OPCML: variants seen among roughly 807,000 people sequenced by gnomAD.
OPCML encodes the protein opioid binding protein/cell adhesion molecule like.
In OPCML, 13 loss-of-function variants were observed where a neutral mutation model predicts 37.8. The observed-to-expected ratio is 0.34, with a 90% CI of 0.22 to 0.55. OPCML has a LOEUF of 0.55. Among genes scored for constraint, OPCML ranks in the 20% least tolerant of loss-of-function variants. The probability of loss-of-function intolerance (pLI) is 0.91; values close to 1 mark genes in which losing one functional copy is unlikely to be tolerated. For missense variants in OPCML, 341 were observed against 435.6 expected (o/e 0.78, Z 1.93); for synonymous variants, 176 against 168.8 (o/e 1.04, Z -0.33).
intron 1 of OPCML, chr11:133,420,539 C>T (rs1945865838): frequency 1.0e-6 from 1 of 981,410 alleles, no homozygotes; most frequent in South Asian, 4.7e-5. Flanking sequence ...AATTTAGATC[C>T]ATCTGCAAAC....
chr11:132,495,527 G>A (rs192173215), intron 4 of OPCML, among the ~76,000 whole-genome samples: 6 of 152,142 alleles, frequency 3.9e-5, no homozygotes, highest in Non-Finnish European at 8.8e-5. Context: ...ATTTTGCAAG[G>A]ATACCCTCAC....
chr11:133,511,723 A>G (rs1948164962), intron 1 of OPCML, among the ~76,000 whole-genome samples: 1 of 149,990 alleles, frequency 6.7e-6, no homozygotes, highest in Non-Finnish European at 1.5e-5. Flanking sequence ...GCTTTTTTCC[A>G]TATTTCTTCA....
intron 1 of OPCML, among the ~76,000 whole-genome samples, chr11:133,331,342 A>G (rs921168914): frequency 2.0e-5 from 3 of 152,168 alleles, no homozygotes; most frequent in African/African-American, 4.8e-5. Context: ...GCTGACATCA[A>G]TCATGCAATG....
At chr11:133,508,310 T>C (rs746642708) in intron 1 of OPCML, among the ~76,000 whole-genome samples, 63 of 152,336 alleles carry the variant, frequency 4.1e-4, no homozygotes, top group Non-Finnish European at 8.4e-4. Context: ...CAGCCCAGGA[T>C]TCTTCATTTC....
chr11:132,656,856 A>G (rs886383844), intron 3 of OPCML, among the ~76,000 whole-genome samples: 2 of 152,244 alleles, frequency 1.3e-5, no homozygotes, highest in Admixed American at 1.3e-4. Flanking sequence ...TACACAACGT[A>G]TTGATGAGAA....
chr11:132,522,711 C>T (rs536362735), intron 4 of OPCML, among the ~76,000 whole-genome samples: 6 of 152,276 alleles, frequency 3.9e-5, no homozygotes, highest in South Asian at 2.1e-4. Flanking sequence ...TCACTCAGGG[C>T]GTTAACAACT....
At chr11:133,207,311 A>G (rs990701889) in intron 1 of OPCML, among the ~76,000 whole-genome samples, 2 of 152,010 alleles carry the variant, frequency 1.3e-5, no homozygotes, top group African/African-American at 4.8e-5. Context: ...AAAACAAAAA[A>G]CAAACAAACA....
At chr11:133,041,230 G>A (rs1167419832) in intron 1 of OPCML, among the ~76,000 whole-genome samples, 2 of 152,174 alleles carry the variant, frequency 1.3e-5, no homozygotes, top group Admixed American at 1.3e-4. Context: ...ACTTCTTAGG[G>A]CTGCTGAGGA....
intron 2 of OPCML, among the ~76,000 whole-genome samples, chr11:132,715,230 A>C (rs1944426246): frequency 6.6e-6 from 1 of 152,206 alleles, no homozygotes; most frequent in Admixed American, 6.5e-5. Flanking sequence ...TAACTGGCTC[A>C]CTCACTTACT....
At position 133,174,656 on chromosome 11, in the gene OPCML, A is replaced by G. The variant is rs2136275267; in HGVS notation, c.62-231646T>C. Among the ~76,000 whole-genome samples the G allele has an allele frequency of 6.6e-6, 1 of 151,984 alleles. No individual in the cohort carries two copies. The highest frequency in any genetic ancestry group is 2.1e-4 in the South Asian group (1 of 4,822). ...TGTTTAGTGAAAAAAAAAAAAAAAA[A>G]AAGCAGGGGGAAGTTAAACACCTGA... On this transcript the variant is annotated intron_variant, in intron 1 of 7. Coordinates refer to ENST00000524381, the MANE Select transcript of OPCML (RefSeq NM_001012393.5). This position sits in a 1 kb window ranked among gnomAD's most constrained non-coding sequence, Gnocchi z 4.6.
At chr11:133,365,561 T>G (rs1555146281) in intron 1 of OPCML, 1 of 151,904 alleles carries the variant, frequency 6.6e-6, no homozygotes, top group Non-Finnish European at 1.5e-5. Context: ...AGGTCAGGAG[T>G]TCAACACGGG....
intron 2 of OPCML, among the ~76,000 whole-genome samples, chr11:132,738,384 A>C (rs1945326836): frequency 6.6e-6 from 1 of 152,260 alleles, no homozygotes; most frequent in Non-Finnish European, 1.5e-5. Context: ...TAAGAAGTTT[A>C]AATACCCTCC....
intron 3 of OPCML, among the ~76,000 whole-genome samples, chr11:132,581,685 T>C (rs998478084): frequency 2.6e-5 from 4 of 152,148 alleles, no homozygotes; most frequent in South Asian, 2.1e-4. Context: ...TTCTTATGAA[T>C]AACCCTAACA....
At chr11:132,454,816 G>A (rs2096077467) in intron 4 of OPCML, among the ~76,000 whole-genome samples, 2 of 152,098 alleles carry the variant, frequency 1.3e-5, no homozygotes, top group African/African-American at 4.8e-5. Context: ...TATAATATCT[G>A]CACACAGCCA....
intron 1 of OPCML, among the ~76,000 whole-genome samples, chr11:133,240,811 G>A (rs751844180): frequency 1.3e-5 from 2 of 152,110 alleles, no homozygotes; most frequent in Admixed American, 1.3e-4. Flanking sequence ...ATCCCAAATC[G>A]TTAGACTTAA....
intron 1 of OPCML, among the ~76,000 whole-genome samples, chr11:132,946,572 TC>T (rs1242728844): frequency 5.3e-5 from 8 of 152,294 alleles, no homozygotes; most frequent in African/African-American, 1.4e-4. Context: ...TCCACTGTAA[TC>T]TTTTCTATAC....
intron 1 of OPCML, chr11:133,418,185 G>A (rs1053349310): frequency 9.1e-6 from 9 of 985,282 alleles, no homozygotes; most frequent in Non-Finnish European, 1.1e-5. Context: ...GTCTGCCATG[G>A]CAGGGTCTTC....
At chr11:133,094,305 A>C (rs961561739) in intron 1 of OPCML, among the ~76,000 whole-genome samples, 1 of 152,216 alleles carries the variant, frequency 6.6e-6, no homozygotes, top group African/African-American at 2.4e-5. Flanking sequence ...GGGTTGCTTA[A>C]AGGCCAAATT....
At chr11:133,020,113 G>A (rs1157900942) in intron 1 of OPCML, among the ~76,000 whole-genome samples, 1 of 152,212 alleles carries the variant, frequency 6.6e-6, no homozygotes, top group Non-Finnish European at 1.5e-5. Context: ...CTAATGAGTG[G>A]CTGCTGCCAT....
Sources: allele counts gnomAD v4.1 joint callset (sites outside exome capture counted in the v4.1 genomes callset), GRCh38; gene constraint gnomAD v4.1.1; non-coding constraint Gnocchi (gnomAD v3.1); transcripts MANE v1.5; gene names NCBI Gene and HGNC (gene_info 2026-07-23, HGNC 2026-07-21).